TENT5D: variants seen among roughly 807,000 people sequenced by gnomAD.
TENT5D encodes terminal nucleotidyltransferase 5D.
For missense variants in TENT5D, 191 were observed against 287.0 expected (o/e 0.67, Z 2.42); for synonymous variants, 103 against 100.6 (o/e 1.02, Z -0.15).
chrX:80,362,273 C>G (rs1481909478), intron 3 of TENT5D, among the ~76,000 whole-genome samples: 1 of 111,226 alleles, frequency 9.0e-6, no homozygotes, highest in African/African-American at 3.3e-5. Flanking sequence ...ACACCATTCT[C>G]CTGCCTCAGC....
intron 3 of TENT5D, among the ~76,000 whole-genome samples, chrX:80,385,187 G>C (rs1930966314): frequency 9.0e-6 from 1 of 111,715 alleles, no homozygotes; most frequent in South Asian, 3.7e-4. Context: ...CAAGGCTACA[G>C]TAACCAAAAC....
chrX:80,373,369 C>T (rs1477534987), intron 3 of TENT5D, among the ~76,000 whole-genome samples: 3 of 110,833 alleles, frequency 2.7e-5, no homozygotes, highest in Admixed American at 9.6e-5. Flanking sequence ...TTCCAATTTT[C>T]GACCTGTTGT....
chrX:80,348,429 A>G (rs1024119133), intron 3 of TENT5D, among the ~76,000 whole-genome samples: 4 of 111,623 alleles, frequency 3.6e-5, no homozygotes, highest in African/African-American at 1.3e-4. Context: ...CTTGGTAGCA[A>G]TTGTGAATGG....
At position 80,341,734 on chromosome X, in the gene TENT5D, C is replaced by T. The variant is rs1442685616; in HGVS notation, c.-206-766C>T. On this transcript the variant is annotated intron_variant, in intron 2 of 4. Coordinates refer to the TENT5D transcript ENST00000538312. The stretch of plus-strand genomic sequence containing the variant: ...TCTTTTTTTTTTTTTTTTTTTGAGA[C>T]GGAGTCTCGCTCTGTCGCCCAGGCT... 7.5e-4 allele frequency among the ~76,000 whole-genome samples: 66 copies of T among 87,867 alleles called. 1 individual carries two copies. Among genetic ancestry groups the T allele is most frequent in the Admixed American group, 2.2e-3 (16 of 7,300 alleles). The allele number at this position is 87,867 out of a possible 115,157, so 76.3% of individuals were successfully genotyped here.
At chrX:80,365,465 GTGTGAAACATAAAA>G (rs1930488218) in intron 3 of TENT5D, among the ~76,000 whole-genome samples, 1 of 111,012 alleles carries the variant, frequency 9.0e-6, no homozygotes, top group Non-Finnish European at 1.9e-5. Context: ...CTTTTTAAAT[GTGTGAAACATAAAA>G]TTTCTGAAAT....
intron 3 of TENT5D, among the ~76,000 whole-genome samples, chrX:80,383,019 A>C (rs1304577797): frequency 8.9e-6 from 1 of 111,786 alleles, no homozygotes; most frequent in African/African-American, 3.3e-5. Flanking sequence ...AAGCAGTCCC[A>C]GTGAGGTGAA....
rs72029455 is a variant in TENT5D at position 80,392,495 on chromosome X, C to CTTTTTTTTTTT, written c.-141-46093_-141-46083dup. 2.8e-3 allele frequency among the ~76,000 whole-genome samples: 68 copies of CTTTTTTTTTTT among 24,305 alleles called. 17 individuals carry two copies. Among genetic ancestry groups the CTTTTTTTTTTT allele is most frequent in the East Asian group, 7.0e-3 (5 of 715 alleles). The allele number at this position is 24,305 out of a possible 115,157, so 21.1% of individuals were successfully genotyped here. A position where few individuals can be genotyped will look rare whatever the true frequency, so the allele number is the denominator to read the frequency against. ...TTTATAGCTTTATTCTCATTTTATT[C>CTTTTTTTTTTT]TTTTTTTTTTTTTTTTTTTTTTTTT... is the stretch of plus-strand genomic sequence containing the variant. On this transcript the variant is annotated intron_variant, in intron 3 of 4. Transcript: ENST00000538312.
chrX:80,442,884 T>C, exon 3 of TENT5D: 1 of 1,210,871 alleles, frequency 8.3e-7, no homozygotes, highest in Non-Finnish European at 1.1e-6. Flanking sequence ...TACCAAAAGA[T>C]GTAAAGAAGG....
At chrX:80,352,377 A>G (rs1427719427) in intron 3 of TENT5D, among the ~76,000 whole-genome samples, 3 of 111,686 alleles carry the variant, frequency 2.7e-5, no homozygotes, top group Non-Finnish European at 5.6e-5. Context: ...AGAGGAATCT[A>G]GAGAGGCAAT....
chrX:80,415,374 C>G (rs1307956706), intron 3 of TENT5D, among the ~76,000 whole-genome samples: 1 of 111,490 alleles, frequency 9.0e-6, no homozygotes, highest in African/African-American at 3.3e-5. Context: ...CATACCTGTC[C>G]TGTTCTGGTT....
chrX:80,404,791 A>G (rs1347230853), intron 3 of TENT5D, among the ~76,000 whole-genome samples: 9 of 112,191 alleles, frequency 8.0e-5, no homozygotes, highest in African/African-American at 2.9e-4. Context: ...CCTGTAACTC[A>G]ATGGCACAAG....
intron 3 of TENT5D, among the ~76,000 whole-genome samples, chrX:80,369,130 G>A (rs1457778791): frequency 2.7e-5 from 3 of 111,573 alleles, no homozygotes; most frequent in African/African-American, 9.8e-5. Flanking sequence ...GTGATATCAG[G>A]TACAAGTGAC....
chrX:80,372,466 A>G (rs924141785), intron 3 of TENT5D, among the ~76,000 whole-genome samples: 28 of 112,040 alleles, frequency 2.5e-4, no homozygotes, highest in African/African-American at 8.4e-4. Context: ...AACTTCTTCA[A>G]TAAATGAAGA....
chrX:80,408,446 A>G (rs1931555710), intron 3 of TENT5D, among the ~76,000 whole-genome samples: 1 of 110,242 alleles, frequency 9.1e-6, no homozygotes, highest in Middle Eastern at 4.2e-3. Context: ...AATACAAACT[A>G]CCATCAGAGA....
upstream of TENT5D, among the ~76,000 whole-genome samples, chrX:80,417,501 G>C (rs1263527641): frequency 9.2e-6 from 1 of 108,487 alleles, no homozygotes; most frequent in African/African-American, 3.4e-5. Context: ...AGGCAGGTGT[G>C]GTGGTAATAA....
intron 2 of TENT5D, among the ~76,000 whole-genome samples, chrX:80,441,712 A>G (rs1469938265): frequency 9.0e-6 from 1 of 111,533 alleles, no homozygotes; most frequent in Non-Finnish European, 1.9e-5. Flanking sequence ...ACTTCCTAAC[A>G]TTCCCTAAAC....
intron 3 of TENT5D, among the ~76,000 whole-genome samples, chrX:80,343,359 A>G (rs1223947948): frequency 1.9e-5 from 2 of 102,643 alleles, no homozygotes; most frequent in African/African-American, 7.1e-5. Flanking sequence ...TAATTAGTTT[A>G]TAACTTTCTT....
At chrX:80,371,114 C>T (rs1234754655) in intron 3 of TENT5D, among the ~76,000 whole-genome samples, 2 of 111,641 alleles carry the variant, frequency 1.8e-5, no homozygotes, top group East Asian at 2.8e-4. Context: ...TGCTTCTTAC[C>T]TCCTAAGAGA....
At chrX:80,395,226 C>T (rs1291492297) in intron 3 of TENT5D, among the ~76,000 whole-genome samples, 1 of 111,930 alleles carries the variant, frequency 8.9e-6, no homozygotes, top group Non-Finnish European at 1.9e-5. Flanking sequence ...AGTCATACTC[C>T]ATTGTGTATA....
Sources: gnomAD v4.1 joint callset for allele counts (sites outside exome capture counted in the v4.1 genomes callset) on GRCh38, gnomAD v4.1.1 for gene constraint, MANE v1.5 for transcripts, NCBI Gene and HGNC (gene_info 2026-07-23, HGNC 2026-07-21) for gene names.